TPST1: variants seen among roughly 807,000 people sequenced by gnomAD.
TPST1 encodes tyrosylprotein sulfotransferase 1, also known as protein-tyrosine sulfotransferase 1.
Under a neutral mutation model 34.8 loss-of-function variants are expected in TPST1, and 20 were observed. That is an observed-to-expected ratio of 0.57 (90% CI 0.40 to 0.84). TPST1 has a LOEUF of 0.84. Ranked by LOEUF, TPST1 falls within the 40% of genes least tolerant of loss-of-function variation. The pLI is 0.00. For missense variants in TPST1, 353 were observed against 455.5 expected (o/e 0.78, Z 2.05); for synonymous variants, 152 against 159.4 (o/e 0.95, Z 0.35).
At chr7:66,202,641 C>A (rs531558449), upstream of TPST1, among the ~76,000 whole-genome samples, 2 of 152,220 alleles carry the variant, frequency 1.3e-5, no homozygotes, top group East Asian at 3.9e-4. Context: ...CATGGTGAGT[C>A]CTTTTCCTGA....
At chr7:66,349,684 G>A (rs915740802) in intron 3 of TPST1, among the ~76,000 whole-genome samples, 5 of 152,150 alleles carry the variant, frequency 3.3e-5, no homozygotes, top group African/African-American at 9.7e-5. Context: ...AAGCAGCCAC[G>A]GCACAGACCA....
chr7:66,265,926 G>A (rs572388801), intron 2 of TPST1, among the ~76,000 whole-genome samples: 307 of 152,216 alleles, frequency 2.0e-3, no homozygotes, highest in Middle Eastern at 0.014. Context: ...AGAGAAAGAA[G>A]ATATTCCTCA....
chr7:66,218,117 GATCTGCCCGCC>G (rs1789463554), intron 1 of TPST1, among the ~76,000 whole-genome samples: 1 of 152,120 alleles, frequency 6.6e-6, no homozygotes, highest in Non-Finnish European at 1.5e-5. Flanking sequence ...GACCTCAAGT[GATCTGCCCGCC>G]TTGGCCTCCC....
chr7:66,240,291 G>A lies in TPST1; in HGVS notation c.-101-34G>A, dbSNP rs1056185658. 39 of 1,094,890 alleles carry A rather than the reference G, an allele frequency of 3.6e-5. No individual in the cohort carries two copies. In the East Asian group the frequency reaches 7.0e-4, roughly 20 times the overall value. The allele number at this position is 1,094,890 out of a possible 1,614,324, so 67.8% of individuals were successfully genotyped here. ...TGACTGATTTGTAAGCAATCTCAATGTAATGATAAATAACCTTTTCCTTTC... is the reference window on the plus strand; with the variant it reads ...TGACTGATTTGTAAGCAATCTCAATATAATGATAAATAACCTTTTCCTTTC... On this transcript the variant is annotated intron_variant, in intron 1 of 5. Coordinates refer to ENST00000304842, the MANE Select transcript of TPST1 (RefSeq NM_003596.4).
At chr7:66,199,772 G>A in the TPST1 span, among the ~76,000 whole-genome samples, 1 of 151,774 alleles carries the variant, frequency 6.6e-6, no homozygotes, top group Non-Finnish European at 1.5e-5. Context: ...GGAGTGCAGG[G>A]GCACTATCTC....
intron 3 of TPST1, among the ~76,000 whole-genome samples, chr7:66,318,769 G>A (rs1459187916): frequency 6.6e-6 from 1 of 152,158 alleles, no homozygotes; most frequent in Non-Finnish European, 1.5e-5. Flanking sequence ...CAGCCTAGAA[G>A]TTTTTTTGGT....
intron 3 of TPST1, among the ~76,000 whole-genome samples, chr7:66,308,176 G>T (rs528872751): frequency 4.6e-5 from 7 of 152,254 alleles, no homozygotes; most frequent in African/African-American, 1.7e-4. Context: ...GTGGTAAAGT[G>T]TTCAGTCCTT....
Position 66,261,662 on chromosome 7 carries a change from A to G in TPST1, c.845+20392A>G, listed in dbSNP as rs937395530. Among the ~76,000 whole-genome samples the G allele has an allele frequency of 2.0e-5, 3 of 152,254 alleles. No homozygotes were observed. The East Asian group carries it at 5.8e-4, about 29-fold the overall frequency. The stretch of plus-strand genomic sequence containing the variant: ...ATATTTAAAAAAATATATTTAATAC[A>G]TGTATTTTTCCATAAAATATATGTT... On this transcript the variant is annotated intron_variant, in intron 2 of 5. Transcript: ENST00000304842.
intron 1 of TPST1, among the ~76,000 whole-genome samples, chr7:66,218,118 A>T (rs1174402159): frequency 6.6e-6 from 1 of 152,052 alleles, no homozygotes; most frequent in Non-Finnish European, 1.5e-5. Context: ...ACCTCAAGTG[A>T]TCTGCCCGCC....
Position 66,360,196 on chromosome 7 carries a change from G to T in TPST1, c.*331G>T. On this transcript the variant is annotated 3_prime_UTR_variant, in exon 6 of 6. Coordinates refer to ENST00000304842, the MANE Select transcript of TPST1 (RefSeq NM_003596.4). Reference sequence around the variant, plus strand: ...ATTATGACGTTTGTTTTCAAGGAGAGGGTTTAAAAATGGGATCCTGTAAGC... The same window carrying T: ...ATTATGACGTTTGTTTTCAAGGAGATGGTTTAAAAATGGGATCCTGTAAGC... The T allele has an allele frequency of 3.2e-6, 1 of 310,424 alleles. No homozygotes were observed. The highest frequency in any genetic ancestry group is 2.2e-5 in the African/African-American group (1 of 46,280). 19.2% of individuals were successfully genotyped at this position (310,424 alleles called of 1,614,324 possible). A position where few individuals can be genotyped will look rare whatever the true frequency, so the allele number is the denominator to read the frequency against.
At chr7:66,209,925 C>T (rs1390644034) in intron 1 of TPST1, among the ~76,000 whole-genome samples, 7 of 152,152 alleles carry the variant, frequency 4.6e-5, no homozygotes, top group African/African-American at 1.7e-4. Context: ...GCCTTGACTT[C>T]CCAAAGTGTT....
chr7:66,304,975 A>G (rs116586766), intron 3 of TPST1, among the ~76,000 whole-genome samples: 1 of 151,692 alleles, frequency 6.6e-6, no homozygotes, highest in Admixed American at 6.6e-5. Context: ...ACCTAGCTAA[A>G]TTTTTTTTAT....
intron 3 of TPST1, among the ~76,000 whole-genome samples, chr7:66,316,667 C>T (rs995531951): frequency 1.3e-5 from 2 of 152,142 alleles, no homozygotes; most frequent in African/African-American, 2.4e-5. Flanking sequence ...TTGTAACATA[C>T]GGACTATCAC....
intron 3 of TPST1, among the ~76,000 whole-genome samples, chr7:66,340,045 A>G (rs1221027613): frequency 4.6e-5 from 7 of 152,064 alleles, no homozygotes; most frequent in African/African-American, 1.2e-4. Context: ...TATAGAAGGA[A>G]CATACTTCGG....
intron 2 of TPST1, among the ~76,000 whole-genome samples, chr7:66,253,088 A>G (rs1021235613): frequency 2.6e-5 from 4 of 152,318 alleles, no homozygotes; most frequent in African/African-American, 9.6e-5. Context: ...TGAGCTTGCC[A>G]TGTGCTGAAT....
At position 66,356,862 on chromosome 7, in the gene TPST1, C is replaced by T. The variant is rs1225333402; in HGVS notation, c.*20C>T. 1 of 1,614,114 alleles carries T rather than the reference C, an allele frequency of 6.2e-7. No individual in the cohort carries two copies. ...GAGTAGCAGAACCAGGAGCCTCTTC[C>T]ATACATGAGGTGAGGGTTGGGGGAC... On this transcript the variant is annotated 3_prime_UTR_variant, in exon 5 of 6. Coordinates refer to ENST00000304842, the MANE Select transcript of TPST1 (RefSeq NM_003596.4).
intron 1 of TPST1, among the ~76,000 whole-genome samples, chr7:66,218,696 C>T (rs1373085880): frequency 6.6e-6 from 1 of 151,834 alleles, no homozygotes; most frequent in Non-Finnish European, 1.5e-5. Context: ...AATGCAAAAA[C>T]GTTAGCTGGG....
intron 3 of TPST1, among the ~76,000 whole-genome samples, chr7:66,336,866 G>A (rs1436479182): frequency 1.3e-5 from 2 of 152,254 alleles, no homozygotes; most frequent in East Asian, 1.9e-4. Context: ...GAAAAGAAAT[G>A]TGTCCCATTC....
chr7:66,278,023 C>G (rs1258619284), intron 2 of TPST1, among the ~76,000 whole-genome samples: 1 of 138,518 alleles, frequency 7.2e-6, no homozygotes, highest in Non-Finnish European at 1.5e-5. Flanking sequence ...TTGCTTGAGC[C>G]CATGAGGTGG....
Sources: allele counts gnomAD v4.1 joint callset (sites outside exome capture counted in the v4.1 genomes callset), GRCh38; gene constraint gnomAD v4.1.1; transcripts MANE v1.5; gene names NCBI Gene and HGNC (gene_info 2026-07-23, HGNC 2026-07-21).